The following ZNF708 variants were observed in gnomAD, a reference collection of about 807,000 sequenced individuals.
The protein encoded by ZNF708 is ZNF15, ZNF15L1.
Under a neutral mutation model 47.0 loss-of-function variants are expected in ZNF708, and 44 were observed. The observed-to-expected ratio is 0.94, with a 90% CI of 0.74 to 1.20. ZNF708 has a LOEUF of 1.20. ZNF708 is among the 50% of genes most tolerant of loss of function. The pLI, the probability that ZNF708 is intolerant of heterozygous loss-of-function variation, is 0.00. For synonymous variants in ZNF708, 184 were observed against 218.5 expected (o/e 0.84, Z 1.39); for missense variants, 557 against 656.0 (o/e 0.85, Z 1.65).
Position 21,294,413 on chromosome 19 carries a change from G to A in ZNF708, c.553C>T (p.Gln185Ter). 1.2e-6 allele frequency: 2 copies of A among 1,614,012 alleles called. No homozygotes were observed. The highest frequency in any genetic ancestry group is 1.7e-6 in the Non-Finnish European group (2 of 1,179,966). The change falls in exon 4 of 4, where the codon CAA becomes TAA. Residue 185 changes from glutamine (Q) to a stop codon, truncating the protein, a stop_gained. Transcript: ENST00000356929. LOFTEE classifies it high-confidence loss of function. ...KSFCMLSQLT[Q>*]HEIIHTGEKP... ...TCTCCAGTATGAATTATCTCATGTT[G>A]AGTTAGTTGTGAAAGCATGCAAAAT... is the stretch of plus-strand genomic sequence containing the variant.
chr19:21,324,403 A>C (rs1316459889), intron 1 of ZNF708, among the ~76,000 whole-genome samples: 1 of 152,154 alleles, frequency 6.6e-6, no homozygotes, highest in Non-Finnish European at 1.5e-5. Context: ...CCCCGTCTCT[A>C]CTAAAAATAC....
At chr19:21,309,472 C>T (rs1004162683) in intron 2 of ZNF708, 131 bp from the exon 3 acceptor site, 36 of 805,078 alleles carry the variant, frequency 4.5e-5, no homozygotes, top group Admixed American at 2.4e-4. Flanking sequence ...CTCTGAGAGG[C>T]CGAGGTGGGT....
Position 21,291,862 on chromosome 19 carries a change from C to T in ZNF708, c.*1412G>A, listed in dbSNP as rs1008757800. The T allele has an allele frequency of 1.3e-5, 2 of 151,968 alleles. No homozygotes were observed. The highest frequency in any genetic ancestry group is 4.8e-5 in the African/African-American group (2 of 41,374). 9.4% of individuals were successfully genotyped at this position (151,968 alleles called of 1,614,324 possible). ...CCTGGACGACAGAGAGAGACTCTGTCTCAAGGAAAACAAACAAACAAAAAA... is the reference window on the plus strand; with the variant it reads ...CCTGGACGACAGAGAGAGACTCTGTTTCAAGGAAAACAAACAAACAAAAAA... On this transcript the variant is annotated 3_prime_UTR_variant, in exon 4 of 4. Transcript: ENST00000356929.
chr19:21,307,607 G>T (rs932329217), intron 3 of ZNF708, among the ~76,000 whole-genome samples: 8 of 151,776 alleles, frequency 5.3e-5, no homozygotes, highest in Non-Finnish European at 1.2e-4. Context: ...GGGTGACAGA[G>T]TGAGACTCAG....
At chr19:21,319,583 T>G (rs922387233) in intron 1 of ZNF708, among the ~76,000 whole-genome samples, 1 of 152,052 alleles carries the variant, frequency 6.6e-6, no homozygotes, top group Non-Finnish European at 1.5e-5. Context: ...CCGGAGTAGC[T>G]GGGATTACAG....
In ZNF708 at chr19:21,292,884, T is replaced by C. The variant is rs1972424178; in HGVS notation, c.*390A>G. The C allele has an allele frequency of 5.5e-6, 1 of 180,460 alleles. No individual in the cohort carries two copies. The highest frequency in any genetic ancestry group is 5.6e-5 in the Admixed American group (1 of 17,768). The allele number at this position is 180,460 out of a possible 1,614,324, so 11.2% of individuals were successfully genotyped here. On this transcript the variant is annotated 3_prime_UTR_variant, in exon 4 of 4. Transcript: ENST00000356929. ...TTCACACTTGTAAGAGTTTTTCTAG[T>C]AAGAATTATCTTACCTACAATCAAG... is the stretch of plus-strand genomic sequence containing the variant.
intron 3 of ZNF708, among the ~76,000 whole-genome samples, chr19:21,303,921 A>G (rs1972708538): frequency 6.6e-6 from 1 of 152,150 alleles, no homozygotes; most frequent in African/African-American, 2.4e-5. Context: ...TGCAAAATAT[A>G]TAAAGCAAAT....
In ZNF708 at chr19:21,329,216, T is replaced by C; in HGVS notation, c.-4A>G. On this transcript the variant is annotated 5_prime_UTR_variant, in exon 1 of 4. Coordinates refer to ENST00000356929, the MANE Select transcript of ZNF708 (RefSeq NM_021269.3). The stretch of plus-strand genomic sequence containing the variant: ...TGTCGGACGGCACTCTCACCATTTC[T>C]AGGCTTCCAGAGGGTCCTGGAGTCT... 1 of 1,611,892 alleles carries C rather than the reference T, an allele frequency of 6.2e-7. No individual in the cohort carries two copies. Among genetic ancestry groups the C allele is most frequent in the South Asian group, 1.1e-5 (1 of 91,066 alleles).
intron 3 of ZNF708, among the ~76,000 whole-genome samples, chr19:21,301,950 G>C (rs1972668847): frequency 1.3e-5 from 2 of 152,104 alleles, no homozygotes; most frequent in Admixed American, 1.3e-4. Context: ...ATCACTACAA[G>C]CACAGTCCTA....
intron 1 of ZNF708, among the ~76,000 whole-genome samples, chr19:21,320,852 A>G (rs1973115879): frequency 6.6e-6 from 1 of 150,938 alleles, no homozygotes; most frequent in Non-Finnish European, 1.5e-5. Flanking sequence ...TAGAAAAGTA[A>G]TGCAGAAGGC....
chr19:21,319,679 T>C (rs779997529), intron 1 of ZNF708, among the ~76,000 whole-genome samples: 1 of 152,030 alleles, frequency 6.6e-6, no homozygotes, highest in African/African-American at 2.4e-5. Context: ...AAACAAGACA[T>C]ACATGTGGCT....
chr19:21,318,020 T>C (rs1434826539), intron 1 of ZNF708: 1 of 152,224 alleles, frequency 6.6e-6, no homozygotes, highest in Non-Finnish European at 1.5e-5. Flanking sequence ...CGTCTACTTA[T>C]GGCTAGTGTC....
intron 3 of ZNF708, among the ~76,000 whole-genome samples, chr19:21,300,294 GAGGTC>G (rs1972628880): frequency 6.6e-6 from 1 of 151,680 alleles, no homozygotes. Flanking sequence ...CAGATCACAT[GAGGTC>G]AGGAGTTGGA....
intron 3 of ZNF708, among the ~76,000 whole-genome samples, chr19:21,299,288 G>A (rs899116455): frequency 6.6e-6 from 1 of 152,080 alleles, no homozygotes; most frequent in Non-Finnish European, 1.5e-5. Context: ...GGGAGGCAGA[G>A]GTTGCAATGA....
chr19:21,321,658 TGAGA>T (rs1242780330), intron 1 of ZNF708, among the ~76,000 whole-genome samples: 19 of 84,400 alleles, frequency 2.3e-4, no homozygotes, highest in Admixed American at 1.7e-3. Flanking sequence ...GGGAGGGAGG[TGAGA>T]GAGAGAGAGA....
At chr19:21,308,732 T>A (rs998036202) in intron 3 of ZNF708, among the ~76,000 whole-genome samples, 2 of 152,104 alleles carry the variant, frequency 1.3e-5, no homozygotes, top group Non-Finnish European at 2.9e-5. Flanking sequence ...AGAAACTGAA[T>A]AGTCAAAGCA....
intron 1 of ZNF708, among the ~76,000 whole-genome samples, chr19:21,312,699 T>C (rs62107469): frequency 0.14 from 21,362 of 149,700 alleles, 1,980 homozygotes; most frequent in Non-Finnish European, 0.21. Flanking sequence ...GATCCATGGA[T>C]AAATGTTTTA....
chr19:21,303,784 C>A (rs1599674394), intron 3 of ZNF708, among the ~76,000 whole-genome samples: 1 of 151,570 alleles, frequency 6.6e-6, no homozygotes, highest in South Asian at 2.1e-4. Context: ...ACATAATATG[C>A]TTTTAGTCAA....
At chr19:21,305,022 T>C (rs1042583622) in intron 3 of ZNF708, among the ~76,000 whole-genome samples, 1 of 152,146 alleles carries the variant, frequency 6.6e-6, no homozygotes, top group Non-Finnish European at 1.5e-5. Context: ...AGATTCTTTT[T>C]TTTTTTTGAG....
Sources: gnomAD v4.1 joint callset for allele counts (sites outside exome capture counted in the v4.1 genomes callset) on GRCh38, gnomAD v4.1.1 for gene constraint, MANE v1.5 for transcripts, NCBI Gene and HGNC (gene_info 2026-07-23, HGNC 2026-07-21) for gene names.